The following BEND3 variants were observed in gnomAD, a reference collection of about 807,000 sequenced individuals.
BEND3 encodes BEN domain-containing protein 3.
In BEND3, 13 loss-of-function variants were observed where a neutral mutation model predicts 60.1. The ratio of observed to expected loss-of-function variants is 0.22; its 90% CI spans 0.14 to 0.34. The LOEUF is 0.34. BEND3 is among the 10% of genes least tolerant of loss of function. BEND3 has a pLI of 1.00. For missense variants in BEND3, 896 were observed against 1,138.1 expected (o/e 0.79, Z 3.06); for synonymous variants, 497 against 491.5 (o/e 1.01, Z -0.15).
intron 3 of BEND3, among the ~76,000 whole-genome samples, chr6:107,095,293 C>G (rs1775561219): frequency 6.6e-6 from 1 of 152,036 alleles, no homozygotes; most frequent in Admixed American, 6.6e-5. Context: ...TCAAGAATAG[C>G]CTGGGCAACA....
chr6:107,084,274 T>A (rs868950601), intron 3 of BEND3, among the ~76,000 whole-genome samples: 49 of 152,220 alleles, frequency 3.2e-4, no homozygotes, highest in African/African-American at 1.2e-3. Flanking sequence ...TGGACAAGTC[T>A]GAGAGTTAAA....
At chr6:107,089,823 G>A (rs939926020) in intron 3 of BEND3, among the ~76,000 whole-genome samples, 46 of 150,330 alleles carry the variant, frequency 3.1e-4, no homozygotes, top group African/African-American at 1.1e-3. Flanking sequence ...TCGAACTCCT[G>A]ACCTCAAATG....
At chr6:107,107,448 T>C (rs1205930162) in intron 1 of BEND3, among the ~76,000 whole-genome samples, 1 of 151,286 alleles carries the variant, frequency 6.6e-6, no homozygotes, top group Non-Finnish European at 1.5e-5. Flanking sequence ...AAGGAAAAGA[T>C]GTTTAAAGTG....
chr6:107,082,328 C>T (rs557031801), intron 3 of BEND3, among the ~76,000 whole-genome samples: 48 of 152,278 alleles, frequency 3.2e-4, no homozygotes, highest in African/African-American at 1.1e-3. Context: ...GACCCAGATA[C>T]GTGAGTGAGG....
chr6:107,068,541 G>T lies in BEND3; in HGVS notation c.*163C>A. 3 of 740,210 alleles carry T rather than the reference G, an allele frequency of 4.1e-6. No homozygotes were observed. The South Asian group carries it at 5.9e-5, about 15-fold the overall frequency. 45.9% of individuals were successfully genotyped at this position (740,210 alleles called of 1,614,324 possible). On this transcript the variant is annotated 3_prime_UTR_variant, in exon 4 of 4. Coordinates refer to ENST00000369042, the MANE Select transcript of BEND3 (RefSeq NM_001367314.1). The surrounding 1 kb of genome is among the most constrained non-coding windows in gnomAD (Gnocchi z 5.8). ...CCAAACTCAAGGCTTCTTTCTTGCG[G>T]TTGGGTGGGTGTTTACGTGTGCAAA...
chr6:107,075,500 T>G (rs1410271568), intron 3 of BEND3, among the ~76,000 whole-genome samples: 1 of 152,200 alleles, frequency 6.6e-6, no homozygotes, highest in African/African-American at 2.4e-5. Context: ...AAAGTAAAAT[T>G]TTTGGCAATT....
chr6:107,087,705 C>G (rs1775382219), intron 3 of BEND3, among the ~76,000 whole-genome samples: 1 of 151,362 alleles, frequency 6.6e-6, no homozygotes, highest in Non-Finnish European at 1.5e-5. Flanking sequence ...CCACTGCACT[C>G]CAGCCTGGGC....
intron 1 of BEND3, among the ~76,000 whole-genome samples, chr6:107,111,936 C>G (rs1770106472): frequency 6.7e-6 from 1 of 148,990 alleles, no homozygotes; most frequent in Non-Finnish European, 1.5e-5. Context: ...GGGCCGAGAT[C>G]GCGCCACTGC....
chr6:107,106,989 T>C (rs1169230038), intron 1 of BEND3, among the ~76,000 whole-genome samples: 2 of 146,382 alleles, frequency 1.4e-5, no homozygotes, highest in African/African-American at 5.1e-5. Flanking sequence ...CAGACTGGAG[T>C]GCAGTGGCAC....
chr6:107,114,554 C>G (rs1243367062), intron 1 of BEND3: 24 of 151,768 alleles, frequency 1.6e-4, no homozygotes, highest in African/African-American at 4.3e-4. Flanking sequence ...GCATCTCCCT[C>G]CAGTCCCCGC....
chr6:107,076,780 G>A (rs899589224), intron 3 of BEND3, among the ~76,000 whole-genome samples: 5 of 152,200 alleles, frequency 3.3e-5, no homozygotes, highest in Middle Eastern at 3.4e-3. Flanking sequence ...AATCACAGTC[G>A]CATGAATGAT....
chr6:107,073,676 T>C (rs1554232408), intron 3 of BEND3, among the ~76,000 whole-genome samples: 1 of 151,368 alleles, frequency 6.6e-6, no homozygotes, highest in African/African-American at 2.4e-5. Context: ...AGGCAGGGGA[T>C]CTCAAGCCCA....
chr6:107,072,919 T>C (rs1332959561), intron 3 of BEND3, among the ~76,000 whole-genome samples: 1 of 151,966 alleles, frequency 6.6e-6, no homozygotes, highest in African/African-American at 2.4e-5. Context: ...GCCTGGGAGA[T>C]GGAGGCTGCA....
At chr6:107,078,903 G>C (rs538431195) in intron 3 of BEND3, among the ~76,000 whole-genome samples, 1 of 152,054 alleles carries the variant, frequency 6.6e-6, no homozygotes, top group Non-Finnish European at 1.5e-5. Context: ...TGTGCCCATG[G>C]ACCTAGGTGA....
chr6:107,103,659 A>AAAAAAGAGGCC (rs199792667), intron 1 of BEND3, among the ~76,000 whole-genome samples: 2,428 of 152,244 alleles, frequency 0.016, 98 homozygotes, highest in Admixed American at 0.1. Context: ...AAAGAAAAAG[A>AAAAAAGAGGCC]AAAAAGAGGC....
At position 107,066,190 on chromosome 6, in the gene BEND3, A is replaced by C. The variant is rs1774825263; in HGVS notation, c.*2514T>G. The C allele has an allele frequency of 6.6e-6, 1 of 152,182 alleles. No individual in the cohort carries two copies. Among genetic ancestry groups the C allele is most frequent in the Non-Finnish European group, 1.5e-5 (1 of 68,032 alleles). The allele number at this position is 152,182 out of a possible 1,614,324, so 9.4% of individuals were successfully genotyped here. Reference sequence around the variant, plus strand: ...AGCGACTGCCAACAGGTTTCATGGAACACATTAAATTTTGAAAAAATAAGT... The same window carrying C: ...AGCGACTGCCAACAGGTTTCATGGACCACATTAAATTTTGAAAAAATAAGT... On this transcript the variant is annotated 3_prime_UTR_variant, in exon 4 of 4. Coordinates refer to ENST00000369042, the MANE Select transcript of BEND3 (RefSeq NM_001367314.1).
In BEND3 at chr6:107,066,122, AC is replaced by A. The variant is rs1774823673; in HGVS notation, c.*2581del. On this transcript the variant is annotated 3_prime_UTR_variant, in exon 4 of 4. Coordinates refer to ENST00000369042, the MANE Select transcript of BEND3 (RefSeq NM_001367314.1). Reference sequence around the variant, plus strand: ...AAAAAAAAAAAAAAAAATCCAAAAAACAAACAACTAAAAACCAAAGAATTTA... The same window carrying A: ...AAAAAAAAAAAAAAAAATCCAAAAAAAAACAACTAAAAACCAAAGAATTTA... 6.6e-6 allele frequency: 1 copy of A among 152,116 alleles called. No homozygotes were observed. The highest frequency in any genetic ancestry group is 1.5e-5 in the Non-Finnish European group (1 of 68,022). 9.4% of individuals were successfully genotyped at this position (152,116 alleles called of 1,614,324 possible).
At position 107,069,045 on chromosome 6, in the gene BEND3, G is replaced by A. The variant is rs377602069; in HGVS notation, c.2146C>T (p.Pro716Ser). The A allele has an allele frequency of 2.2e-5, 36 of 1,613,502 alleles. No individual in the cohort carries two copies. The African/African-American group carries it at 4.1e-4, about 19-fold the overall frequency. The change falls in exon 4 of 4, where the codon CCT becomes TCT. Residue 716 changes from proline to serine, a missense_variant. Pro to Ser is a moderately conservative substitution (Grantham distance 74). Coordinates refer to ENST00000369042, the MANE Select transcript of BEND3 (RefSeq NM_001367314.1). ...LVVPSPDFPVPSPYLLSDKEV... is the reference protein window; with the variant it reads ...LVVPSPDFPVSSPYLLSDKEV... ...TTGTCAGACAGCAGGTAGGGAGAAG[G>A]CACCGGGAAGTCAGGCGAGGGGACC...
chr6:107,094,581 A>G (rs1775543533), intron 3 of BEND3, among the ~76,000 whole-genome samples: 1 of 151,780 alleles, frequency 6.6e-6, no homozygotes, highest in Admixed American at 6.6e-5. Flanking sequence ...AGATCGCGCC[A>G]TTGCACTTCA....
Sources: allele counts gnomAD v4.1 joint callset (sites outside exome capture counted in the v4.1 genomes callset), GRCh38; gene constraint gnomAD v4.1.1; non-coding constraint Gnocchi (gnomAD v3.1); transcripts MANE v1.5; gene names NCBI Gene and HGNC (gene_info 2026-07-23, HGNC 2026-07-21).